RNF17: variants seen among roughly 807,000 people sequenced by gnomAD.
RNF17 encodes ring finger protein 17.
RNF17 carries 31 observed loss-of-function variants against 200.5 expected under a neutral mutation model. The observed-to-expected ratio is 0.15, with a 90% confidence interval of 0.12 to 0.21. RNF17 has a LOEUF of 0.21. Ranked by LOEUF, RNF17 falls within the 10% of genes least tolerant of loss-of-function variation. The pLI is 1.00. For synonymous variants in RNF17, 606 were observed against 637.8 expected, an observed-to-expected ratio of 0.95 and a Z score of 0.75; for missense variants, 1,628 against 1,905.1, an observed-to-expected ratio of 0.85 and a Z score of 2.71.
At chr13:24,886,268 C>A in the RNF17 span, 2 of 1,273,344 alleles carry the variant, frequency 1.6e-6, no homozygotes, top group Non-Finnish European at 2.1e-6. Context: ...CAGAATCTGA[C>A]CTCCATGTTA....
At chr13:24,787,252 A>G (rs1348875581) in intron 6 of RNF17, among the ~76,000 whole-genome samples, 2 of 152,030 alleles carry the variant, frequency 1.3e-5, no homozygotes, top group African/African-American at 2.4e-5. Context: ...TTCTTTGTCC[A>G]TATTTTTCTT....
At chr13:24,885,792 T>TAAA in the RNF17 span, 1 of 731,562 alleles carries the variant, frequency 1.4e-6, no homozygotes, top group Non-Finnish European at 2.4e-6. Context: ...TAGTTAAGGA[T>TAAA]GTCTTAATAT....
At chr13:24,763,374 T>TA (rs1299975999), upstream of RNF17, among the ~76,000 whole-genome samples, 76 of 147,290 alleles carry the variant, frequency 5.2e-4, no homozygotes, top group African/African-American at 1.8e-3. Flanking sequence ...GGCTAATTTT[T>TA]TTTTTTTTTT....
intron 24 of RNF17, among the ~76,000 whole-genome samples, chr13:24,852,072 C>G (rs544851699): frequency 6.6e-6 from 1 of 151,744 alleles, no homozygotes; most frequent in Non-Finnish European, 1.5e-5. Flanking sequence ...AGTTTAAGCA[C>G]CTTTGGTCCA....
chr13:24,798,686 T>C (rs1884890358), intron 11 of RNF17, among the ~76,000 whole-genome samples: 1 of 152,200 alleles, frequency 6.6e-6, no homozygotes, highest in South Asian at 2.1e-4. Context: ...GTAGGGTTGT[T>C]GTGGGGAGTA....
chr13:24,858,505 C>G (rs768528367), intron 25 of RNF17, among the ~76,000 whole-genome samples: 5 of 150,656 alleles, frequency 3.3e-5, no homozygotes, highest in Non-Finnish European at 7.4e-5. Flanking sequence ...TACCCAAGAT[C>G]ACACAACTAA....
upstream of RNF17, chr13:24,764,123 G>A (rs17081125): frequency 3.4e-3 from 4,630 of 1,361,974 alleles, 135 homozygotes; most frequent in African/African-American, 0.058. Flanking sequence ...ATCTGCAGGG[G>A]CTGGCCTCCA....
chr13:24,866,565 T>C (rs1426520345), intron 30 of RNF17, among the ~76,000 whole-genome samples: 1 of 152,240 alleles, frequency 6.6e-6, no homozygotes, highest in East Asian at 1.9e-4. Context: ...TCACTTAGCA[T>C]AACATTTTCA....
At chr13:24,829,958 G>A (rs980268840) in intron 16 of RNF17, among the ~76,000 whole-genome samples, 1 of 152,152 alleles carries the variant, frequency 6.6e-6, no homozygotes, top group Non-Finnish European at 1.5e-5. Context: ...TTGACTCACA[G>A]TAAACATGTA....
At chr13:24,802,224 G>T (rs1282562332) in intron 13 of RNF17, among the ~76,000 whole-genome samples, 157 bp from the exon 14 acceptor site, 1 of 152,102 alleles carries the variant, frequency 6.6e-6, no homozygotes, top group African/African-American at 2.4e-5. Flanking sequence ...GACCTTGTGA[G>T]TCACCACGCC....
chr13:24,872,033 A>G (rs1894331743), intron 32 of RNF17, among the ~76,000 whole-genome samples: 1 of 137,590 alleles, frequency 7.3e-6, no homozygotes, highest in African/African-American at 2.8e-5. Flanking sequence ...CAATGGTGCA[A>G]TCTTGGCTCA....
intron 2 of RNF17, among the ~76,000 whole-genome samples, chr13:24,770,876 T>C (rs1880567260): frequency 6.6e-6 from 1 of 152,230 alleles, no homozygotes; most frequent in Non-Finnish European, 1.5e-5. Context: ...GTACAATTCC[T>C]CAACCTCACC....
At position 24,845,667 on chromosome 13, in the gene RNF17, G is replaced by A. The variant is rs371569886; in HGVS notation, c.3101+588G>A. ...AGCTTTGAGAATAGGAATCGGCAAC[G>A]GTATTTCACTGGCGCATGCAGGCTA... On this transcript the variant is annotated intron_variant, in intron 22 of 35. Transcript: ENST00000255324. 3.9e-5 allele frequency among the ~76,000 whole-genome samples: 6 copies of A among 152,228 alleles called. No homozygotes were observed. In the East Asian group the frequency reaches 7.7e-4, roughly 20 times the overall value.
intron 3 of RNF17, among the ~76,000 whole-genome samples, chr13:24,776,210 T>C (rs1359296597): frequency 6.6e-6 from 1 of 152,204 alleles, no homozygotes; most frequent in African/African-American, 2.4e-5. Context: ...CCATAACCTA[T>C]CTTCATTTCT....
chr13:24,856,385 A>T (rs1361597344), intron 25 of RNF17, among the ~76,000 whole-genome samples: 1 of 144,094 alleles, frequency 6.9e-6, no homozygotes, highest in African/African-American at 2.6e-5. Context: ...GCGCCACTGC[A>T]CTCCAGCCTG....
intron 32 of RNF17, among the ~76,000 whole-genome samples, chr13:24,872,845 AAAG>A (rs1236762918): frequency 6.6e-6 from 1 of 152,160 alleles, no homozygotes; most frequent in African/African-American, 2.4e-5. Flanking sequence ...AACATCATAA[AAAG>A]AAGGGCTCAG....
At chr13:24,776,001 ATAAC>A (rs1347585802) in intron 3 of RNF17, among the ~76,000 whole-genome samples, 2 of 152,234 alleles carry the variant, frequency 1.3e-5, no homozygotes, top group Admixed American at 6.5e-5. Context: ...TAATTTGTAT[ATAAC>A]TAAACTTTCT....
chr13:24,764,929 C>T (rs1414060699), intron 1 of RNF17, among the ~76,000 whole-genome samples: 1 of 143,358 alleles, frequency 7.0e-6, no homozygotes, highest in Non-Finnish European at 1.5e-5. Flanking sequence ...GTGTGTTGGT[C>T]TTTATACGTG....
At chr13:24,884,192 C>T, downstream of RNF17, 1 of 1,614,176 alleles carries the variant, frequency 6.2e-7, no homozygotes, top group African/African-American at 1.3e-5. Context: ...GTAAGACTTC[C>T]AGTCCCTCCG....
Sources: allele counts gnomAD v4.1 joint callset (sites outside exome capture counted in the v4.1 genomes callset), GRCh38; gene constraint gnomAD v4.1.1; transcripts MANE v1.5; gene names NCBI Gene and HGNC (gene_info 2026-07-23, HGNC 2026-07-21).